The following DYSF variants were observed in gnomAD, a reference collection of about 807,000 sequenced individuals.
DYSF encodes dystrophy-associated fer-1-like 1.
A neutral mutation model predicts 274.9 loss-of-function variants in DYSF; 212 were observed. The ratio of observed to expected loss-of-function variants is 0.77; its 90% CI spans 0.69 to 0.86. DYSF has a LOEUF of 0.86. Among genes scored for constraint, DYSF ranks in the 40% least tolerant of loss-of-function variants. The probability of loss-of-function intolerance (pLI) is 0.00; values close to 1 mark genes in which losing one functional copy is unlikely to be tolerated. For missense variants in DYSF, 2,666 were observed against 2,783.2 expected, an observed-to-expected ratio of 0.96 and a Z score of 0.95; for synonymous variants, 1,091 against 1,078.7, an observed-to-expected ratio of 1.01 and a Z score of -0.22.
At chr2:71,601,450 G>A (rs1308026503) in intron 34 of DYSF, 49 bp from the exon 35 acceptor site, 2 of 1,612,738 alleles carry the variant, frequency 1.2e-6, no homozygotes, top group Admixed American at 3.3e-5. Flanking sequence ...GGGTGATGGG[G>A]GCCTTAGGTG....
At chr2:71,495,729 G>T (rs746031624) in intron 3 of DYSF, among the ~76,000 whole-genome samples, 1 of 152,094 alleles carries the variant, frequency 6.6e-6, no homozygotes, top group African/African-American at 2.4e-5. Context: ...CCCCAGCCCT[G>T]GTTCCTGCAC....
rs184304742 is a variant in DYSF, at chr2:71,610,649, C to A, written c.3958-596C>A. 2.0e-3 allele frequency: 332 copies of A among 163,290 alleles called. 2 individuals are homozygous for A. Among genetic ancestry groups the A allele is most frequent in the African/African-American group, 8.5e-3 (325 of 38,286 alleles). The allele number at this position is 163,290 out of a possible 1,614,324, so 10.1% of individuals were successfully genotyped here. On this transcript the variant is annotated intron_variant, in intron 36 of 55. Coordinates refer to ENST00000410020, the MANE Select transcript of DYSF (RefSeq NM_001130987.2). ...GTGTGCTTTGGTGCTCTGGGGAGCC[C>A]CTTCTCCCATTGCTCAGTTGTTCTC...
intron 30 of DYSF, among the ~76,000 whole-genome samples, chr2:71,577,719 G>A (rs1454461031): frequency 2.6e-5 from 4 of 151,996 alleles, no homozygotes; most frequent in South Asian, 2.1e-4. Flanking sequence ...TCACGTTTCC[G>A]TCTTCCTGCT....
At chr2:71,623,238 A>G (rs1426060054) in intron 41 of DYSF, among the ~76,000 whole-genome samples, 2 of 151,808 alleles carry the variant, frequency 1.3e-5, no homozygotes, top group Non-Finnish European at 2.9e-5. Context: ...GGTTAGTTAC[A>G]TATGTATACA....
At chr2:71,552,702 T>C (rs2091035312) in intron 19 of DYSF, among the ~76,000 whole-genome samples, 1 of 152,214 alleles carries the variant, frequency 6.6e-6, no homozygotes, top group Non-Finnish European at 1.5e-5. Flanking sequence ...GCGGGCCCAG[T>C]GGGAGCCCCC....
At chr2:71,513,636 C>T in intron 6 of DYSF, 80 bp from the exon 7 acceptor site, 1 of 1,447,930 alleles carries the variant, frequency 6.9e-7, no homozygotes, top group Non-Finnish European at 9.6e-7. Flanking sequence ...GGATCTTCTG[C>T]CCCCTGGGCT....
intron 36 of DYSF, among the ~76,000 whole-genome samples, chr2:71,608,265 C>T (rs934063): frequency 0.5 from 71,222 of 142,140 alleles, 17,037 homozygotes; most frequent in Non-Finnish European, 0.51. Flanking sequence ...GAGGAGGGCG[C>T]GGGTGGATTT....
intron 41 of DYSF, among the ~76,000 whole-genome samples, chr2:71,632,228 A>G (rs2094326938): frequency 1.3e-5 from 2 of 151,658 alleles, no homozygotes; most frequent in Non-Finnish European, 1.5e-5. Flanking sequence ...TGAGCACAAG[A>G]CTCCCCTGAG....
chr2:71,502,717 C>G (rs2085108010), intron 3 of DYSF, among the ~76,000 whole-genome samples: 1 of 152,218 alleles, frequency 6.6e-6, no homozygotes, highest in Non-Finnish European at 1.5e-5. Context: ...ATCCTTTTCT[C>G]CCTGTCCCTG....
intron 14 of DYSF, among the ~76,000 whole-genome samples, chr2:71,530,978 A>T (rs1391271677): frequency 6.6e-6 from 1 of 152,064 alleles, no homozygotes; most frequent in Non-Finnish European, 1.5e-5. Flanking sequence ...TCCTAAGAAG[A>T]TAGGAGTGTG....
At chr2:71,668,464 G>A (rs75698068) in intron 48 of DYSF, among the ~76,000 whole-genome samples, 1 of 152,080 alleles carries the variant, frequency 6.6e-6, no homozygotes. Flanking sequence ...GACACGCCAC[G>A]ACTGTGCACA....
intron 17 of DYSF, among the ~76,000 whole-genome samples, chr2:71,549,057 C>G (rs1035234817): frequency 1.1e-4 from 17 of 152,126 alleles, no homozygotes; most frequent in Non-Finnish European, 1.5e-5. Context: ...AATCAAGTTT[C>G]GGGTCTGGTT....
chr2:71,675,710 T>G (rs2152963409), intron 52 of DYSF, among the ~76,000 whole-genome samples: 1 of 152,302 alleles, frequency 6.6e-6, no homozygotes, highest in East Asian at 1.9e-4. Flanking sequence ...GGTAAGGAAT[T>G]AGAAAATGCA....
chr2:71,457,635 CT>C (rs2081122654), intron 1 of DYSF, among the ~76,000 whole-genome samples: 1 of 152,224 alleles, frequency 6.6e-6, no homozygotes. Flanking sequence ...ATGTTCTGGT[CT>C]TGCAGATGCT....
At chr2:71,562,592 C>T (rs909882791) in intron 23 of DYSF, among the ~76,000 whole-genome samples, 1 of 152,174 alleles carries the variant, frequency 6.6e-6, no homozygotes, top group South Asian at 2.1e-4. Flanking sequence ...AGCGTCTGCT[C>T]ATAAGTGTTG....
At chr2:71,494,092 G>T (rs1261596657) in intron 3 of DYSF, among the ~76,000 whole-genome samples, 6 of 152,154 alleles carry the variant, frequency 3.9e-5, no homozygotes, top group African/African-American at 1.4e-4. Context: ...GCAGTCTTTT[G>T]TGAGGGTTTT....
intron 53 of DYSF, 109 bp downstream of exon 53, chr2:71,679,344 T>C (rs2095266729): frequency 3.5e-6 from 4 of 1,131,732 alleles, no homozygotes; most frequent in Non-Finnish European, 5.1e-6. Flanking sequence ...TCCTCCTCCT[T>C]TCTCCCCCTC....
chr2:71,577,869 C>T (rs576034184), intron 30 of DYSF, among the ~76,000 whole-genome samples: 31 of 152,252 alleles, frequency 2.0e-4, no homozygotes, highest in Admixed American at 1.7e-3. Context: ...TGCTAGGACC[C>T]GGCTTCTGTC....
chr2:71,613,379 T>C lies in DYSF; in HGVS notation c.4433T>C (p.Ile1478Thr). The C allele has an allele frequency of 6.2e-7, 1 of 1,613,610 alleles. No homozygotes were observed. Among genetic ancestry groups the C allele is most frequent in the Non-Finnish European group, 8.5e-7 (1 of 1,179,862 alleles). The change falls in exon 40 of 56, where the codon ATT (isoleucine) becomes ACT (threonine). Residue 1478 changes from isoleucine to threonine, a missense_variant. This residue lies in a region of DYSF where 1,460 missense variants were observed against 1,502.1 expected (regional missense o/e 0.97). Transcript: ENST00000410020. ...LSPGEDVLIDIDDKEPLIPIQ... is the reference protein window; with the variant it reads ...LSPGEDVLIDTDDKEPLIPIQ... ...CCTGGGGAAGACGTGCTCATCGACA[T>C]TGATGACAAGGAGCCCCTCATCCCC...
Sources: gnomAD v4.1 joint callset for allele counts (sites outside exome capture counted in the v4.1 genomes callset) on GRCh38, gnomAD v4.1.1 for gene constraint, gnomAD v4.1.1 regional missense constraint, MANE v1.5 for transcripts, NCBI Gene and HGNC (gene_info 2026-07-23, HGNC 2026-07-21) for gene names.